Variants in GLI3 observed in about 807,000 individuals in gnomAD.
GLI3 encodes transcription activator GLI3.
In GLI3, 20 loss-of-function variants were observed where a neutral mutation model predicts 100.8. The observed-to-expected ratio is 0.20, with a 90% CI of 0.14 to 0.29. The LOEUF (loss-of-function observed/expected upper bound fraction) is 0.29. Ranked by LOEUF, GLI3 falls within the 10% of genes least tolerant of loss-of-function variation. The pLI, the probability that GLI3 is intolerant of heterozygous loss-of-function variation, is 1.00. For synonymous variants in GLI3, 938 were observed against 860.5 expected, an observed-to-expected ratio of 1.09 and a Z score of -1.58; for missense variants, 2,040 against 2,128.5, an observed-to-expected ratio of 0.96 and a Z score of 0.82.
In GLI3 at chr7:41,965,765, T is replaced by C; in HGVS notation, c.3308A>G (p.Gln1103Arg). 1 of 1,613,320 alleles carries C rather than the reference T, an allele frequency of 6.2e-7. No homozygotes were observed. The highest frequency in any genetic ancestry group is 8.5e-7 in the Non-Finnish European group (1 of 1,179,958). Reference protein sequence around the residue: ...PDDVVQYLNSQNQAGYEQHFP... With the variant: ...PDDVVQYLNSRNQAGYEQHFP... The stretch of plus-strand genomic sequence containing the variant: ...GTGCTGCTCGTACCCTGCTTGGTTC[T>C]GGGAATTTAAATACTGCACCACGTC... The change falls in exon 15 of 15, where the codon CAG (glutamine) becomes CGG (arginine). Residue 1103 changes from glutamine to arginine, a missense_variant. By Grantham distance (43) the Gln-to-Arg change is conservative (BLOSUM62 1). This residue lies in a region of GLI3 where 1,041 missense variants were observed against 924.0 expected (regional missense o/e 1.13). Coordinates refer to ENST00000395925, the MANE Select transcript of GLI3 (RefSeq NM_000168.6).
chr7:42,159,532 T>G (rs1227964691), intron 2 of GLI3, among the ~76,000 whole-genome samples: 1 of 152,222 alleles, frequency 6.6e-6, no homozygotes, highest in Non-Finnish European at 1.5e-5. Flanking sequence ...TTTCTCTTTT[T>G]TTAATCAAGA....
intron 7 of GLI3, among the ~76,000 whole-genome samples, chr7:42,035,149 C>T (rs1789403867): frequency 6.6e-6 from 1 of 151,030 alleles, no homozygotes; most frequent in Non-Finnish European, 1.5e-5. Context: ...TTTTAGAAGA[C>T]AGAATGAGAA....
At chr7:42,159,806 G>A (rs1243687949) in intron 2 of GLI3, among the ~76,000 whole-genome samples, 1 of 152,320 alleles carries the variant, frequency 6.6e-6, no homozygotes, top group African/African-American at 2.4e-5. Flanking sequence ...TACAGGAGGT[G>A]CATGCAGTAT....
chr7:42,217,495 G>C (rs1050544052), intron 2 of GLI3, among the ~76,000 whole-genome samples: 1 of 152,100 alleles, frequency 6.6e-6, no homozygotes, highest in Non-Finnish European at 1.5e-5. Context: ...GTTCAACCCA[G>C]GAAAAGAATC....
intron 2 of GLI3, among the ~76,000 whole-genome samples, chr7:42,179,155 A>T (rs915096556): frequency 1.3e-5 from 2 of 152,000 alleles, no homozygotes; most frequent in Admixed American, 1.3e-4. Flanking sequence ...AGATCTGATG[A>T]TTTTTAAGAG....
chr7:41,965,677 G>A lies in GLI3; in HGVS notation c.3396C>T (p.Pro1132=), dbSNP rs1053587562. ...GGCCAGCGTGGCTGTCTGGCAGCCC[G>A]GGCGCGTCAAAGTCACCGGGCCCGT... The part of the protein sequence containing the change: ...VPHGPGDFDA[P]GLPDSHAGQQ... The change falls in exon 15 of 15, where the codon CCC becomes CCT. Residue 1132 remains proline, a synonymous_variant. Transcript: ENST00000395925. The A allele has an allele frequency of 1.3e-5, 21 of 1,613,072 alleles. No individual in the cohort carries two copies. Among genetic ancestry groups the A allele is most frequent in the Admixed American group, 1.0e-4 (6 of 59,982 alleles).
chr7:41,966,143 C>A lies in GLI3; in HGVS notation c.2930G>T (p.Arg977Met), dbSNP rs1371424239. 1 of 1,594,564 alleles carries A rather than the reference C, an allele frequency of 6.3e-7. No homozygotes were observed. Residue 977 changes from arginine to methionine, a missense_variant, in exon 15 of 15, where the codon AGG becomes ATG. Arg to Met is a moderately conservative substitution (Grantham distance 91). Coordinates refer to ENST00000395925, the MANE Select transcript of GLI3 (RefSeq NM_000168.6). This position sits in a 1 kb window ranked among gnomAD's most constrained non-coding sequence, Gnocchi z 5.8. ...GTGGGCTCCCCCGTCGCTGCACCTC[C>A]TCGGGGCATGAACTGGAGGCAGGGC... ...GVALPPVHAP[R>M]RCSDGGAHGY... is the part of the protein sequence containing the mutation.
chr7:42,148,535 A>G, intron 2 of GLI3, 67 bp from the exon 3 acceptor site: 1 of 1,429,520 alleles, frequency 7.0e-7, no homozygotes. Context: ...AACCATGATC[A>G]ATTAGGTCTC....
intron 3 of GLI3, among the ~76,000 whole-genome samples, chr7:42,077,623 G>A (rs926757632): frequency 9.2e-5 from 14 of 151,558 alleles, no homozygotes; most frequent in African/African-American, 3.2e-4. Context: ...CCAGTCCAAC[G>A]CTCCGGGTTC....
At chr7:42,111,699 G>A (rs866174668) in intron 3 of GLI3, among the ~76,000 whole-genome samples, 12 of 152,188 alleles carry the variant, frequency 7.9e-5, no homozygotes, top group South Asian at 2.1e-4. Flanking sequence ...AAGCTTCCCT[G>A]AAGCTAAGCA....
chr7:42,243,123 T>C (rs1390828381), intron 1 of GLI3, among the ~76,000 whole-genome samples: 2 of 151,972 alleles, frequency 1.3e-5, no homozygotes, highest in Non-Finnish European at 2.9e-5. Flanking sequence ...CCAGGTGAAC[T>C]GGTAAAGAGC....
At chr7:42,051,999 C>T (rs1784362086) in intron 4 of GLI3, among the ~76,000 whole-genome samples, 1 of 152,214 alleles carries the variant, frequency 6.6e-6, no homozygotes, top group Non-Finnish European at 1.5e-5. Flanking sequence ...TCTTCCTTCT[C>T]CCAGCCCCCA....
intron 6 of GLI3, among the ~76,000 whole-genome samples, chr7:42,042,306 GC>G (rs1784161188): frequency 6.6e-6 from 1 of 151,990 alleles, no homozygotes; most frequent in African/African-American, 2.4e-5. Flanking sequence ...GAGCCACTGC[GC>G]CCACCTGTGC....
chr7:42,197,958 G>A (rs1041670088), intron 2 of GLI3, among the ~76,000 whole-genome samples: 5 of 152,154 alleles, frequency 3.3e-5, no homozygotes, highest in African/African-American at 1.2e-4. Flanking sequence ...GTACATATAG[G>A]TGTGGCCGCC....
chr7:42,026,159 C>T (rs2128731965), intron 8 of GLI3, 40 bp downstream of exon 8: 1 of 1,481,896 alleles, frequency 6.7e-7, no homozygotes, highest in Non-Finnish European at 9.3e-7. Context: ...CCACCCTCGG[C>T]TGACCAGCAC....
intron 3 of GLI3, among the ~76,000 whole-genome samples, chr7:42,142,014 C>A (rs1329232100): frequency 6.6e-6 from 1 of 152,136 alleles, no homozygotes; most frequent in African/African-American, 2.4e-5. Context: ...TAAGTACTGC[C>A]TCGGACTAAT....
chr7:42,172,516 G>A (rs909386196), intron 2 of GLI3: 16 of 701,232 alleles, frequency 2.3e-5, no homozygotes, highest in East Asian at 8.1e-5. Context: ...CAATCATCCC[G>A]CACCTAGGTA....
intron 1 of GLI3, 31 bp downstream of exon 1, chr7:42,236,940 C>T (rs1191020372): frequency 2.6e-5 from 4 of 152,080 alleles, no homozygotes; most frequent in Non-Finnish European, 5.9e-5. Flanking sequence ...CTGCGGGGTC[C>T]GCGAAACAAA....
chr7:42,187,601 C>T (rs751690740), intron 2 of GLI3, among the ~76,000 whole-genome samples: 3 of 152,096 alleles, frequency 2.0e-5, no homozygotes, highest in Admixed American at 1.3e-4. Context: ...CCACCAAGGA[C>T]CTCAGAATGC....
Sources: gnomAD v4.1 joint callset for allele counts (sites outside exome capture counted in the v4.1 genomes callset) on GRCh38, gnomAD v4.1.1 for gene constraint, gnomAD v4.1.1 regional missense constraint, Gnocchi (gnomAD v3.1) non-coding constraint, MANE v1.5 for transcripts, NCBI Gene and HGNC (gene_info 2026-07-23, HGNC 2026-07-21) for gene names.